Variants in MYO16 observed in about 807,000 individuals in gnomAD.
MYO16 encodes myosin XVI.
Under a neutral mutation model 205.3 loss-of-function variants are expected in MYO16, and 94 were observed. That is an observed-to-expected ratio of 0.46 (90% CI 0.39 to 0.54). The LOEUF (loss-of-function observed/expected upper bound fraction) is 0.54, where lower values mean the gene tolerates loss of function less well. MYO16 is among the 20% of genes least tolerant of loss of function. The pLI is 0.00. For missense variants in MYO16, 2,315 were observed against 2,387.5 expected (o/e 0.97, Z 0.63); for synonymous variants, 988 against 954.0 (o/e 1.04, Z -0.66).
Position 108,964,790 on chromosome 13 carries a change from C to G in MYO16, c.2257C>G (p.Gln753Glu). The part of the protein sequence containing the change: ...GDMIIRRHTI[Q>E]IAEFFRDLLA... ...TATGATAATACGACGACATACCATA[C>G]AGATTGCTGAGTTTTTCCGAGACCT... Residue 753 changes from glutamine to glutamate, a missense_variant, in exon 20 of 35, where the codon CAG becomes GAG. Around this residue, in one of 3 missense-constraint regions of MYO16, gnomAD observed 1,213 missense variants for 1,274.4 expected, o/e 0.95. Transcript: ENST00000457511. 1 of 1,614,128 alleles carries G rather than the reference C, an allele frequency of 6.2e-7. No homozygotes were observed. Among genetic ancestry groups the G allele is most frequent in the Middle Eastern group, 1.6e-4 (1 of 6,062 alleles).
chr13:109,047,514 A>T (rs1887086650), intron 24 of MYO16, among the ~76,000 whole-genome samples: 1 of 152,184 alleles, frequency 6.6e-6, no homozygotes, highest in African/African-American at 2.4e-5. Context: ...GAGCATTAAT[A>T]CTTTATATGC....
chr13:108,549,518 T>C, the MYO16 span, among the ~76,000 whole-genome samples: 1 of 152,158 alleles, frequency 6.6e-6, no homozygotes, highest in African/African-American at 2.4e-5. Context: ...GATAATTTGT[T>C]ACAGTAACAA....
chr13:109,154,854 A>G (rs916787024), intron 32 of MYO16, among the ~76,000 whole-genome samples: 1 of 138,604 alleles, frequency 7.2e-6, no homozygotes, highest in Non-Finnish European at 1.5e-5. Flanking sequence ...TGCATGAGGA[A>G]TGGGGCTCTG....
intron 9 of MYO16, among the ~76,000 whole-genome samples, chr13:108,823,893 A>C (rs1170624465): frequency 1.3e-5 from 2 of 152,112 alleles, no homozygotes; most frequent in Non-Finnish European, 2.9e-5. Flanking sequence ...ATGGATATAC[A>C]AACACAGGTG....
chr13:108,838,579 A>G (rs1877056357), intron 9 of MYO16, among the ~76,000 whole-genome samples: 1 of 150,978 alleles, frequency 6.6e-6, no homozygotes, highest in Non-Finnish European at 1.5e-5. Context: ...GAGGCAGGAG[A>G]ATCACTTGAA....
the MYO16 span, among the ~76,000 whole-genome samples, chr13:108,508,375 T>A: frequency 6.6e-6 from 1 of 152,156 alleles, no homozygotes; most frequent in Admixed American, 6.5e-5. Flanking sequence ...GGGGATGCAC[T>A]TTCTCTGGCT....
intron 34 of MYO16, among the ~76,000 whole-genome samples, chr13:109,196,947 G>A (rs1880187153): frequency 6.6e-6 from 1 of 152,210 alleles, no homozygotes. Flanking sequence ...CAGAGAGCCT[G>A]TGCACTTTTC....
intron 34 of MYO16, among the ~76,000 whole-genome samples, chr13:109,203,992 T>C (rs997738527): frequency 6.6e-6 from 1 of 152,188 alleles, no homozygotes; most frequent in Non-Finnish European, 1.5e-5. Flanking sequence ...AAAAACTCTC[T>C]GGATCTGGGG....
intron 1 of MYO16, among the ~76,000 whole-genome samples, chr13:108,640,492 T>C (rs748785183): frequency 4.6e-5 from 7 of 152,168 alleles, no homozygotes; most frequent in Non-Finnish European, 1.0e-4. Context: ...GAGGAGGTTG[T>C]GCCACTCCAA....
chr13:109,175,890 C>T (rs1879149433), intron 33 of MYO16, among the ~76,000 whole-genome samples: 2 of 151,980 alleles, frequency 1.3e-5, no homozygotes, highest in South Asian at 4.2e-4. Flanking sequence ...GACTGTGGGA[C>T]TTTTCTGGAG....
chr13:109,015,343 G>A (rs976990603), intron 22 of MYO16, among the ~76,000 whole-genome samples: 1 of 152,168 alleles, frequency 6.6e-6, no homozygotes, highest in Non-Finnish European at 1.5e-5. Context: ...GCTCTTTGAT[G>A]TGCTGCTGGA....
chr13:108,783,772 C>T (rs1042192710), intron 4 of MYO16, among the ~76,000 whole-genome samples: 7 of 152,272 alleles, frequency 4.6e-5, no homozygotes, highest in Non-Finnish European at 5.9e-5. Flanking sequence ...GGAACTTCTG[C>T]TTTTGCTTCC....
At chr13:108,523,852 C>T in the MYO16 span, among the ~76,000 whole-genome samples, 18 of 150,478 alleles carry the variant, frequency 1.2e-4, no homozygotes, top group Admixed American at 5.9e-4. Context: ...ACCCAAATCT[C>T]ACATTGAATT....
At chr13:108,938,481 C>A (rs1882584757) in intron 16 of MYO16, among the ~76,000 whole-genome samples, 1 of 152,184 alleles carries the variant, frequency 6.6e-6, no homozygotes, top group Admixed American at 6.5e-5. Context: ...AAGGGAGAAT[C>A]CAGTGGATGG....
At chr13:108,609,670 A>C (rs963797133) in intron 1 of MYO16, among the ~76,000 whole-genome samples, 3 of 152,206 alleles carry the variant, frequency 2.0e-5, no homozygotes, top group Admixed American at 6.5e-5. Context: ...AATTTAAAAA[A>C]TTTTAAAAAT....
intron 12 of MYO16, among the ~76,000 whole-genome samples, chr13:108,873,660 CA>C (rs1282913369): frequency 7.7e-6 from 1 of 129,360 alleles, no homozygotes; most frequent in African/African-American, 2.8e-5. Flanking sequence ...CCATGCCAAC[CA>C]ACCAGGACAG....
At chr13:108,922,554 G>C (rs908588139) in intron 16 of MYO16, among the ~76,000 whole-genome samples, 2 of 152,262 alleles carry the variant, frequency 1.3e-5, no homozygotes. Context: ...TCTAAAATCC[G>C]GTGCTTATGT....
chr13:109,022,461 T>C lies in MYO16; in HGVS notation c.2796+2550T>C, dbSNP rs1032368098. On this transcript the variant is annotated intron_variant, in intron 23 of 34. Transcript: ENST00000457511. ...GTATATATTTATGTTATATATACAA[T>C]ATAAACATATGTATATATTTATGTT... Among the ~76,000 whole-genome samples the C allele has an allele frequency of 1.1e-4, 14 of 130,920 alleles. No homozygotes were observed. In the East Asian group the frequency reaches 2.4e-3, roughly 22 times the overall value. 85.9% of individuals were successfully genotyped at this position (130,920 alleles called of 152,430 possible). A position where few individuals can be genotyped will look rare whatever the true frequency, so the allele number is the denominator to read the frequency against.
chr13:108,805,484 TG>T (rs1887085968), intron 6 of MYO16, among the ~76,000 whole-genome samples: 1 of 152,256 alleles, frequency 6.6e-6, no homozygotes, highest in East Asian at 1.9e-4. Flanking sequence ...AAAAACACAA[TG>T]GAACAGAGCT....
Sources: allele counts gnomAD v4.1 joint callset (sites outside exome capture counted in the v4.1 genomes callset), GRCh38; gene constraint gnomAD v4.1.1; regional missense constraint gnomAD v4.1.1; transcripts MANE v1.5; gene names NCBI Gene and HGNC (gene_info 2026-07-23, HGNC 2026-07-21).